The following XPNPEP3 variants were observed in gnomAD, a reference collection of about 807,000 sequenced individuals.
The protein encoded by XPNPEP3 is X-prolyl aminopeptidase 3.
XPNPEP3 carries 41 observed loss-of-function variants against 60.0 expected under a neutral mutation model. The ratio of observed to expected loss-of-function variants is 0.68; its 90% CI spans 0.53 to 0.89. The LOEUF is 0.89. XPNPEP3 is among the 40% of genes least tolerant of loss of function. The pLI, the probability that XPNPEP3 is intolerant of heterozygous loss-of-function variation, is 0.00. For missense variants in XPNPEP3, 598 were observed against 638.9 expected, an observed-to-expected ratio of 0.94 and a Z score of 0.69; for synonymous variants, 212 against 223.2, an observed-to-expected ratio of 0.95 and a Z score of 0.45.
intron 1 of XPNPEP3, among the ~76,000 whole-genome samples, chr22:40,866,751 A>G (rs1892032232): frequency 1.3e-5 from 2 of 152,220 alleles, no homozygotes; most frequent in African/African-American, 2.4e-5. Context: ...GTAAAAAGCT[A>G]TTGAGACCTT....
At chr22:40,878,076 CATTCCTGT>C (rs1369804718) in intron 2 of XPNPEP3, among the ~76,000 whole-genome samples, 2 of 152,026 alleles carry the variant, frequency 1.3e-5, no homozygotes, top group African/African-American at 4.8e-5. Flanking sequence ...CGTGGTGGCA[CATTCCTGT>C]AATCCCAGCT....
chr22:40,881,456 C>CA (rs371356285), intron 2 of XPNPEP3, among the ~76,000 whole-genome samples: 21,563 of 119,910 alleles, frequency 0.18, 1,981 homozygotes, highest in Middle Eastern at 0.29. Context: ...AACTCTGTCT[C>CA]AAAAAAAAAA....
chr22:40,866,259 C>T (rs1214787839), intron 1 of XPNPEP3, among the ~76,000 whole-genome samples: 1 of 152,048 alleles, frequency 6.6e-6, no homozygotes, highest in South Asian at 2.1e-4. Flanking sequence ...CAAGTGATCT[C>T]TGCTTCCAAA....
At chr22:40,878,477 G>C (rs2058035648) in intron 2 of XPNPEP3, among the ~76,000 whole-genome samples, 1 of 152,002 alleles carries the variant, frequency 6.6e-6, no homozygotes, top group Non-Finnish European at 1.5e-5. Flanking sequence ...GTAACTTCCT[G>C]ATATGTGTTA....
chr22:40,907,514 C>T (rs754051069), intron 4 of XPNPEP3, 73 bp from the exon 5 acceptor site: 18 of 1,455,226 alleles, frequency 1.2e-5, no homozygotes, highest in Admixed American at 3.3e-5. Context: ...CATTTGAGCT[C>T]CAGTATTTTG....
At chr22:40,878,587 C>T (rs937610810) in intron 2 of XPNPEP3, among the ~76,000 whole-genome samples, 2 of 150,638 alleles carry the variant, frequency 1.3e-5, no homozygotes, top group African/African-American at 2.4e-5. Flanking sequence ...TTTTAAATTT[C>T]TTTCTTTTTT....
intron 2 of XPNPEP3, among the ~76,000 whole-genome samples, chr22:40,877,289 T>A (rs1467948238): frequency 6.6e-6 from 1 of 152,248 alleles, no homozygotes; most frequent in Admixed American, 6.5e-5. Context: ...AGTAATAGTT[T>A]ATTAATTACT....
At chr22:40,879,900 G>A (rs1242406795) in intron 2 of XPNPEP3, among the ~76,000 whole-genome samples, 1 of 151,476 alleles carries the variant, frequency 6.6e-6, no homozygotes, top group Non-Finnish European at 1.5e-5. Flanking sequence ...GGTGGCTCAC[G>A]CCTGTAATCC....
At chr22:40,870,737 G>T (rs1254914235) in intron 2 of XPNPEP3, among the ~76,000 whole-genome samples, 2 of 152,104 alleles carry the variant, frequency 1.3e-5, no homozygotes, top group East Asian at 3.8e-4. Flanking sequence ...AATTAAAAGG[G>T]GCCGGGCGCA....
chr22:40,865,094 C>G (rs942750270), intron 1 of XPNPEP3, among the ~76,000 whole-genome samples: 1 of 152,152 alleles, frequency 6.6e-6, no homozygotes, highest in Non-Finnish European at 1.5e-5. Context: ...CCCAGCCATC[C>G]GCTGTGCCAT....
In XPNPEP3 at chr22:40,914,556, T is replaced by C. The variant is rs1408705539; in HGVS notation, c.1055+232T>C. Among the ~76,000 whole-genome samples the C allele has an allele frequency of 4.4e-5, 6 of 136,670 alleles. No homozygotes were observed. The East Asian group carries it at 6.3e-4, about 14-fold the overall frequency. The allele number at this position is 136,670 out of a possible 152,430, so 89.7% of individuals were successfully genotyped here. A position where few individuals can be genotyped will look rare whatever the true frequency, so the allele number is the denominator to read the frequency against. On this transcript the variant is annotated intron_variant, in intron 7 of 9. Coordinates refer to ENST00000357137, the MANE Select transcript of XPNPEP3 (RefSeq NM_022098.4). Reference sequence around the variant, plus strand: ...ATTTTTTTTTTTTTTTTTTTTTTTTTTTTTTTGGTAAGAGACGGGGTCTCG... The same window carrying C: ...ATTTTTTTTTTTTTTTTTTTTTTTTCTTTTTTGGTAAGAGACGGGGTCTCG...
At chr22:40,915,747 G>T (rs914606669) in intron 7 of XPNPEP3, among the ~76,000 whole-genome samples, 3 of 152,110 alleles carry the variant, frequency 2.0e-5, no homozygotes, top group Non-Finnish European at 4.4e-5. Flanking sequence ...AGGGCTTGTG[G>T]AAACTCTGAG....
At chr22:40,861,489 G>GT in intron 1 of XPNPEP3, 1 of 1,614,078 alleles carries the variant, frequency 6.2e-7, no homozygotes, top group East Asian at 2.2e-5. Context: ...AGAGAAAGAA[G>GT]TAAGGCCTTC....
At chr22:40,918,573 A>AGTCCCTAC (rs2058204906) in intron 7 of XPNPEP3, among the ~76,000 whole-genome samples, 1 of 151,842 alleles carries the variant, frequency 6.6e-6, no homozygotes, top group African/African-American at 2.4e-5. Context: ...AGTCCCAGCT[A>AGTCCCTAC]CTCAGGTGGC....
In XPNPEP3 at chr22:40,895,806, C is replaced by A. The variant is rs1020706430; in HGVS notation, c.792+9291C>A. On this transcript the variant is annotated intron_variant, in intron 4 of 9. Coordinates refer to ENST00000357137, the MANE Select transcript of XPNPEP3 (RefSeq NM_022098.4). ...CATCCCCACATCCCATGAGTTAATTCTGTCATTCTTAAGTTCTTCATTAAG... is the reference window on the plus strand; with the variant it reads ...CATCCCCACATCCCATGAGTTAATTATGTCATTCTTAAGTTCTTCATTAAG... Among the ~76,000 whole-genome samples the A allele has an allele frequency of 2.6e-5, 4 of 152,112 alleles. No individual in the cohort carries two copies. The East Asian group carries it at 7.7e-4, about 29-fold the overall frequency.
Position 40,865,415 on chromosome 22 carries a change from A to G in XPNPEP3, c.65-3584A>G, listed in dbSNP as rs913081668. 4.3e-5 allele frequency among the ~76,000 whole-genome samples: 6 copies of G among 138,846 alleles called. 1 individual carries two copies. The highest frequency in any genetic ancestry group is 4.6e-4 in the South Asian group (2 of 4,374). 91.1% of individuals were successfully genotyped at this position (138,846 alleles called of 152,430 possible). On this transcript the variant is annotated intron_variant, in intron 1 of 9. Coordinates refer to ENST00000357137, the MANE Select transcript of XPNPEP3 (RefSeq NM_022098.4). ...GTGATCTCGGCTCACTGCAACCTCT[A>G]CTTCCCAGGTTCAAGCCATTCTCCT... is the stretch of plus-strand genomic sequence containing the variant.
Position 40,886,574 on chromosome 22 carries a change from C to T in XPNPEP3, c.792+59C>T, listed in dbSNP as rs1601502046. On this transcript the variant is annotated intron_variant, in intron 4 of 9. Coordinates refer to ENST00000357137, the MANE Select transcript of XPNPEP3 (RefSeq NM_022098.4). Reference sequence around the variant, plus strand: ...GGCGCGGTGGCTCACGCCTGTAATCCAAGCACTTTGGGAGGCCGAGGCAGG... The same window carrying T: ...GGCGCGGTGGCTCACGCCTGTAATCTAAGCACTTTGGGAGGCCGAGGCAGG... 103 of 1,557,722 alleles carry T rather than the reference C, an allele frequency of 6.6e-5. 2 individuals are homozygous for T. The South Asian group carries it at 1.1e-3, about 17-fold the overall frequency.
At chr22:40,916,912 T>A (rs2058198144) in intron 7 of XPNPEP3, among the ~76,000 whole-genome samples, 1 of 151,680 alleles carries the variant, frequency 6.6e-6, no homozygotes, top group Non-Finnish European at 1.5e-5. Flanking sequence ...TAGTGAAACC[T>A]GGTCTTTACA....
chr22:40,875,314 C>T (rs1782639067), intron 2 of XPNPEP3, among the ~76,000 whole-genome samples: 1 of 152,118 alleles, frequency 6.6e-6, no homozygotes, highest in Non-Finnish European at 1.5e-5. Flanking sequence ...GGACTACAGG[C>T]ATAAGCCACC....
Sources: gnomAD v4.1 joint callset for allele counts (sites outside exome capture counted in the v4.1 genomes callset) on GRCh38, gnomAD v4.1.1 for gene constraint, MANE v1.5 for transcripts, NCBI Gene and HGNC (gene_info 2026-07-23, HGNC 2026-07-21) for gene names.